Variants in NOTCH2 observed in about 807,000 individuals in gnomAD.
NOTCH2 encodes the protein neurogenic locus notch homolog protein 2.
A neutral mutation model predicts 235.8 loss-of-function variants in NOTCH2; 29 were observed. The ratio of observed to expected loss-of-function variants is 0.12; its 90% CI spans 0.09 to 0.17. The LOEUF (loss-of-function observed/expected upper bound fraction) is 0.17, where lower values mean the gene tolerates loss of function less well. Among genes scored for constraint, NOTCH2 ranks in the 10% least tolerant of loss-of-function variants. The pLI is 1.00. For synonymous variants in NOTCH2, 1,086 were observed against 1,141.5 expected, an observed-to-expected ratio of 0.95 and a Z score of 0.98; for missense variants, 2,285 against 3,150.2, an observed-to-expected ratio of 0.73 and a Z score of 6.57.
intron 3 of NOTCH2, among the ~76,000 whole-genome samples, chr1:120,002,538 A>C (rs1164555753): frequency 1.3e-5 from 2 of 149,588 alleles, no homozygotes; most frequent in Non-Finnish European, 1.5e-5. Context: ...GGAAAAAAAA[A>C]AACATAACCT....
chr1:119,923,517 G>T, intron 26 of NOTCH2, 120 bp downstream of exon 26: 1 of 877,414 alleles, frequency 1.1e-6, no homozygotes, highest in Admixed American at 1.9e-5. Flanking sequence ...TATCTTAAGT[G>T]GTGGGCCATT....
rs1044465026 is a variant in NOTCH2 at position 119,981,603 on chromosome 1, T to C, written c.874+5357A>G. 1.1e-4 allele frequency among the ~76,000 whole-genome samples: 16 copies of C among 152,112 alleles called. No individual in the cohort carries two copies. In the East Asian group the frequency reaches 3.1e-3, roughly 29 times the overall value. The stretch of plus-strand genomic sequence containing the variant: ...ACTGCAGGGCAGGAAAGATCCTGCC[T>C]GCAGTCTCACCTCCTGCATGTGGGG... On this transcript the variant is annotated intron_variant, in intron 5 of 33. Coordinates refer to ENST00000256646, the MANE Select transcript of NOTCH2 (RefSeq NM_024408.4).
intron 1 of NOTCH2, among the ~76,000 whole-genome samples, chr1:120,054,984 CA>C (rs1553215032): frequency 6.6e-6 from 1 of 151,132 alleles, no homozygotes; most frequent in African/African-American, 2.4e-5. Context: ...ACATTAAATA[CA>C]AAATTACACT....
intron 31 of NOTCH2, among the ~76,000 whole-genome samples, chr1:119,918,906 TATA>T (rs1649176835): frequency 6.6e-6 from 1 of 152,080 alleles, no homozygotes; most frequent in Non-Finnish European, 1.5e-5. Context: ...CATCAGGGAA[TATA>T]ATATGAACTC....
At chr1:119,924,070 T>A in intron 25 of NOTCH2, 86 bp from the exon 26 acceptor site, 1 of 1,181,462 alleles carries the variant, frequency 8.5e-7, no homozygotes, top group South Asian at 1.3e-5. Context: ...CTACTGTGGA[T>A]TTTCCTACCC....
intron 11 of NOTCH2, 140 bp from the exon 12 acceptor site, chr1:119,959,642 A>C: frequency 1.4e-6 from 1 of 696,944 alleles, no homozygotes; most frequent in Non-Finnish European, 2.6e-6. Context: ...AAGTTCTCAA[A>C]ATGCAGTCCA....
At chr1:120,009,729 G>A (rs781861296) in intron 2 of NOTCH2, among the ~76,000 whole-genome samples, 7 of 148,612 alleles carry the variant, frequency 4.7e-5, no homozygotes, top group South Asian at 2.2e-4. Flanking sequence ...TCCACGCACC[G>A]TTTTAATCAT....
intron 2 of NOTCH2, among the ~76,000 whole-genome samples, chr1:120,028,558 G>A (rs1418046389): frequency 2.8e-5 from 4 of 144,284 alleles, no homozygotes; most frequent in Non-Finnish European, 4.6e-5. Flanking sequence ...AAGCTTTACT[G>A]TCATCACAGC....
In NOTCH2 at chr1:119,913,772, A is replaced by T; in HGVS notation, c.*1534T>A. Reference sequence around the variant, plus strand: ...AAGGAAAATGTTCTGTTGAGTTTCTACGTTAGTTGCCAAAGGGAATGTCAT... The same window carrying T: ...AAGGAAAATGTTCTGTTGAGTTTCTTCGTTAGTTGCCAAAGGGAATGTCAT... On this transcript the variant is annotated 3_prime_UTR_variant, in exon 34 of 34. Transcript: ENST00000256646. 4.3e-6 allele frequency: 1 copy of T among 233,130 alleles called. No individual in the cohort carries two copies. Among genetic ancestry groups the T allele is most frequent in the Middle Eastern group, 1.3e-3 (1 of 786 alleles). The allele number at this position is 233,130 out of a possible 1,614,324, so 14.4% of individuals were successfully genotyped here.
intron 2 of NOTCH2, among the ~76,000 whole-genome samples, chr1:120,011,813 G>C (rs1305119192): frequency 7.3e-5 from 11 of 151,674 alleles, no homozygotes; most frequent in African/African-American, 2.7e-4. Context: ...TCAGGAGATC[G>C]AGACCATCCT....
At position 119,917,778 on chromosome 1, in the gene NOTCH2, AT is replaced by A. The variant is rs746139417; in HGVS notation, c.5930-17del. 6.7e-7 allele frequency: 1 copy of A among 1,491,334 alleles called. No individual in the cohort carries two copies. The allele number at this position is 1,491,334 out of a possible 1,614,324, so 92.4% of individuals were successfully genotyped here. On this transcript the variant is annotated splice_polypyrimidine_tract_variant and intron_variant, in intron 32 of 33. Coordinates refer to ENST00000256646, the MANE Select transcript of NOTCH2 (RefSeq NM_024408.4). ...GCAGATTTTCCTGCAGGGGAGAAACATTTTTATAAACAGACATATCCTACTC... is the reference window on the plus strand; with the variant it reads ...GCAGATTTTCCTGCAGGGGAGAAACATTTTATAAACAGACATATCCTACTC...
chr1:119,930,934 T>TA (rs1649630760), intron 22 of NOTCH2, among the ~76,000 whole-genome samples: 1 of 149,968 alleles, frequency 6.7e-6, no homozygotes, highest in Non-Finnish European at 1.5e-5. Flanking sequence ...CCGTCTCCAC[T>TA]AAAAAATACA....
chr1:120,017,569 A>G (rs61787055), intron 2 of NOTCH2, among the ~76,000 whole-genome samples: 1 of 151,918 alleles, frequency 6.6e-6, no homozygotes, highest in Admixed American at 6.6e-5. Flanking sequence ...CCTTAAAAAG[A>G]CCCTATAAAT....
intron 1 of NOTCH2, among the ~76,000 whole-genome samples, chr1:120,065,024 G>A (rs1362771893): frequency 1.4e-4 from 21 of 151,660 alleles, no homozygotes; most frequent in African/African-American, 4.9e-4. Context: ...GCAAACTTGA[G>A]TGAGAGGCAG....
intron 1 of NOTCH2, among the ~76,000 whole-genome samples, chr1:120,032,806 C>T (rs10923939): frequency 0.015 from 1,946 of 127,662 alleles, 46 homozygotes; most frequent in African/African-American, 0.062. Context: ...ACTATATGAA[C>T]GCTTGAGTGT....
intron 3 of NOTCH2, among the ~76,000 whole-genome samples, chr1:120,001,334 G>A (rs587735046): frequency 6.6e-5 from 10 of 151,470 alleles, no homozygotes; most frequent in East Asian, 5.8e-4. Flanking sequence ...TTAGTCTTTC[G>A]CCCCTACACC....
chr1:120,033,453 A>ATATAT, intron 1 of NOTCH2, among the ~76,000 whole-genome samples: 1 of 131,000 alleles, frequency 7.6e-6, no homozygotes, highest in Non-Finnish European at 1.6e-5. Flanking sequence ...GCTGTGGTAG[A>ATATAT]TATATACAAT....
In NOTCH2 at chr1:119,959,382, G is replaced by A. The variant is rs1553198751; in HGVS notation, c.2026+10C>T. 3 of 1,484,494 alleles carry A rather than the reference G, an allele frequency of 2.0e-6. No individual in the cohort carries two copies. The highest frequency in any genetic ancestry group is 2.8e-6 in the Non-Finnish European group (3 of 1,061,814). The allele number at this position is 1,484,494 out of a possible 1,614,324, so 92.0% of individuals were successfully genotyped here. A position where few individuals can be genotyped will look rare whatever the true frequency, so the allele number is the denominator to read the frequency against. On this transcript the variant is annotated intron_variant, in intron 12 of 33. Transcript: ENST00000256646. ...CTGAAGGAGGGGCCTTGCAGTAAAA[G>A]GAGCTTTACCTGTGAATCCTGGTGA...
rs1423277367 is a variant in NOTCH2 at position 119,997,398 on chromosome 1, C to T, written c.416-66G>A. 4 of 1,400,264 alleles carry T rather than the reference C, an allele frequency of 2.9e-6. No individual in the cohort carries two copies. The East Asian group carries it at 6.8e-5, about 24-fold the overall frequency. 86.7% of individuals were successfully genotyped at this position (1,400,264 alleles called of 1,614,324 possible). A position where few individuals can be genotyped will look rare whatever the true frequency, so the allele number is the denominator to read the frequency against. On this transcript the variant is annotated intron_variant, in intron 3 of 33. Coordinates refer to ENST00000256646, the MANE Select transcript of NOTCH2 (RefSeq NM_024408.4). ...TAGGAGATGGCCCCATCCTCAATAC[C>T]TCATTGACATCAGCGAGCTCTTGCG... is the stretch of plus-strand genomic sequence containing the variant.
Sources: allele counts gnomAD v4.1 joint callset (sites outside exome capture counted in the v4.1 genomes callset), GRCh38; gene constraint gnomAD v4.1.1; transcripts MANE v1.5; gene names NCBI Gene and HGNC (gene_info 2026-07-23, HGNC 2026-07-21).